The following IL7 variants were observed in gnomAD, a reference collection of about 807,000 sequenced individuals.
IL7 encodes the protein interleukin-7.
In IL7, 3 loss-of-function variants were observed where a neutral mutation model predicts 21.6. The observed-to-expected ratio is 0.14, with a 90% CI of 0.06 to 0.36. The LOEUF (loss-of-function observed/expected upper bound fraction) is 0.36. IL7 is among the 10% of genes least tolerant of loss of function. The probability of loss-of-function intolerance (pLI) is 1.00; values close to 1 mark genes in which losing one functional copy is unlikely to be tolerated. For synonymous variants in IL7, 62 were observed against 68.1 expected, an observed-to-expected ratio of 0.91 and a Z score of 0.44; for missense variants, 175 against 200.2, an observed-to-expected ratio of 0.87 and a Z score of 0.76.
At chr8:78,688,325 G>GT (rs1810092283) in intron 3 of IL7, among the ~76,000 whole-genome samples, 1 of 151,982 alleles carries the variant, frequency 6.6e-6, no homozygotes, top group South Asian at 2.1e-4. Flanking sequence ...GGCTTTAGAA[G>GT]TTTTTTTAAT....
chr8:78,681,007 G>C (rs1433694121), intron 4 of IL7, among the ~76,000 whole-genome samples: 2 of 152,076 alleles, frequency 1.3e-5, no homozygotes, highest in Admixed American at 1.3e-4. Flanking sequence ...TAGTGGCAGA[G>C]GCCCTTAGAA....
rs1462203830 is a variant in IL7, at chr8:78,804,949, G to T, written c.-27C>A. 1 of 1,609,892 alleles carries T rather than the reference G, an allele frequency of 6.2e-7. No individual in the cohort carries two copies. The highest frequency in any genetic ancestry group is 2.3e-5 in the East Asian group (1 of 44,134). ...GTCTGCGGGAGGCGGGCGTAGTCAT[G>T]ATGACCGCAACTGGAGCAGGAGCAA... On this transcript the variant is annotated 5_prime_UTR_variant, in exon 1 of 6. An upstream open reading frame in the 5' UTR gains an earlier in-frame stop. Coordinates refer to ENST00000263851, the MANE Select transcript of IL7 (RefSeq NM_000880.4).
chr8:78,742,418 G>A (rs11780001), intron 2 of IL7, among the ~76,000 whole-genome samples: 7,932 of 152,148 alleles, frequency 0.052, 292 homozygotes, highest in Middle Eastern at 0.088. Flanking sequence ...TATAAATATG[G>A]AAAATCAGAA....
rs946198957 is a variant in IL7 at position 78,769,865 on chromosome 8, C to G, written c.147+28207G>C. ...TAGACCAATGGAACAGAACAGAGGC[C>G]TCAGAAATAATGCCACACATCTACA... On this transcript the variant is annotated intron_variant, in intron 2 of 5. Transcript: ENST00000263851. Among the ~76,000 whole-genome samples the G allele has an allele frequency of 2.1e-4, 32 of 152,064 alleles. 1 individual carries two copies. Among genetic ancestry groups the G allele is most frequent in the Admixed American group, 1.8e-3 (28 of 15,266 alleles).
intron 2 of IL7, chr8:78,762,119 A>T: frequency 6.3e-7 from 1 of 1,596,450 alleles, no homozygotes; most frequent in Non-Finnish European, 8.6e-7. Flanking sequence ...CAGTTCTTTT[A>T]TTCGTTTTCT....
chr8:78,726,397 G>A (rs1041407267), intron 3 of IL7, among the ~76,000 whole-genome samples: 1 of 151,882 alleles, frequency 6.6e-6, no homozygotes, highest in Non-Finnish European at 1.5e-5. Flanking sequence ...TGTGTGTGTG[G>A]AAAAGAGTAG....
downstream of IL7, among the ~76,000 whole-genome samples, chr8:78,729,640 T>C (rs749610131): frequency 1.8e-4 from 28 of 152,004 alleles, no homozygotes; most frequent in Non-Finnish European, 2.9e-4. Flanking sequence ...ATGGTTACTT[T>C]GTAATTTTCT....
At chr8:78,756,043 C>G (rs145528957) in intron 2 of IL7, among the ~76,000 whole-genome samples, 384 of 151,940 alleles carry the variant, frequency 2.5e-3, no homozygotes, top group Non-Finnish European at 4.4e-3. Context: ...ATAAAGAGTT[C>G]TTGAATTATA....
At chr8:78,764,463 A>G (rs957566908) in intron 2 of IL7, among the ~76,000 whole-genome samples, 2 of 152,136 alleles carry the variant, frequency 1.3e-5, no homozygotes, top group African/African-American at 2.4e-5. Context: ...AGTCTCTGAT[A>G]ACTAATAAGC....
chr8:78,733,793 C>T lies in IL7; in HGVS notation c.454G>A (p.Asp152Asn). 1 of 1,588,854 alleles carries T rather than the reference C, an allele frequency of 6.3e-7. No homozygotes were observed. The highest frequency in any genetic ancestry group is 8.6e-7 in the Non-Finnish European group (1 of 1,168,372). ...KSLKEQKKLNDLCFLKRLLQE... is the reference protein window; with the variant it reads ...KSLKEQKKLNNLCFLKRLLQE... ...AATAGTCTCTTTAGGAAACACAAGTCATTCAGTTTTTTCTGTTCCTTTAAA... is the reference window on the plus strand; with the variant it reads ...AATAGTCTCTTTAGGAAACACAAGTTATTCAGTTTTTTCTGTTCCTTTAAA... Residue 152 changes from aspartate (D) to asparagine (N), a missense_variant, in exon 6 of 6, where the codon GAC becomes AAC. Asp to Asn is a conservative substitution (Grantham distance 23, BLOSUM62 1). Transcript: ENST00000263851.
At chr8:78,696,369 C>T (rs183162899) in intron 3 of IL7, among the ~76,000 whole-genome samples, 12 of 152,192 alleles carry the variant, frequency 7.9e-5, no homozygotes, top group Admixed American at 3.9e-4. Context: ...ATCTTGATAC[C>T]GTATTGGGCT....
chr8:78,698,273 G>T, intron 3 of IL7: 1 of 630,068 alleles, frequency 1.6e-6, no homozygotes, highest in Non-Finnish European at 2.6e-6. Flanking sequence ...CTCTGGAAAT[G>T]CCATTTAAAA....
chr8:78,712,611 C>T (rs1042660670), intron 3 of IL7, among the ~76,000 whole-genome samples: 2 of 151,960 alleles, frequency 1.3e-5, no homozygotes, highest in Admixed American at 6.6e-5. Context: ...TGCCTACAAC[C>T]GGGAAAAAGT....
chr8:78,761,624 A>G (rs1011478529), intron 2 of IL7: 8 of 1,611,882 alleles, frequency 5.0e-6, no homozygotes, highest in Middle Eastern at 2.2e-4. Flanking sequence ...TGCTATGTCC[A>G]CTACATCGTC....
At chr8:78,755,967 A>G (rs149688738) in intron 2 of IL7, among the ~76,000 whole-genome samples, 3 of 152,034 alleles carry the variant, frequency 2.0e-5, no homozygotes, top group Admixed American at 2.0e-4. Context: ...CTGTGGGTTA[A>G]TAATATATGG....
chr8:78,715,121 T>G (rs1326837343), downstream of IL7: 2 of 1,024,696 alleles, frequency 2.0e-6, no homozygotes, highest in East Asian at 5.2e-5. Context: ...TGAACTTCTC[T>G]GAAGCTTCTA....
intron 4 of IL7, among the ~76,000 whole-genome samples, chr8:78,682,467 G>A (rs1016728313): frequency 2.6e-5 from 4 of 152,134 alleles, no homozygotes; most frequent in African/African-American, 9.7e-5. Context: ...GCAGACAAGA[G>A]CAGGGGAACT....
At chr8:78,762,432 C>T (rs1812599536) in intron 2 of IL7, 4 of 1,583,040 alleles carry the variant, frequency 2.5e-6, no homozygotes, top group East Asian at 2.4e-5. Flanking sequence ...AGTTCGGCAT[C>T]GTCGCCCGCC....
intron 3 of IL7, chr8:78,689,201 T>TC: frequency 6.9e-7 from 1 of 1,452,112 alleles, no homozygotes; most frequent in Middle Eastern, 1.9e-4. Context: ...ATTAATCTGT[T>TC]TCCGTTTTTA....
Sources: allele counts gnomAD v4.1 joint callset (sites outside exome capture counted in the v4.1 genomes callset), GRCh38; gene constraint gnomAD v4.1.1; transcripts MANE v1.5; gene names NCBI Gene and HGNC (gene_info 2026-07-23, HGNC 2026-07-21).